KLF5: variants seen among roughly 807,000 people sequenced by gnomAD.
KLF5 encodes the protein KLF transcription factor 5.
A neutral mutation model predicts 36.9 loss-of-function variants in KLF5; 9 were observed. The ratio of observed to expected loss-of-function variants is 0.24; its 90% CI spans 0.15 to 0.43. The LOEUF (loss-of-function observed/expected upper bound fraction) is 0.43, where lower values mean the gene tolerates loss of function less well. KLF5 is among the 20% of genes least tolerant of loss of function. The probability of loss-of-function intolerance (pLI) is 1.00; values close to 1 mark genes in which losing one functional copy is unlikely to be tolerated. For missense variants in KLF5, 524 were observed against 599.5 expected (o/e 0.87, Z 1.31); for synonymous variants, 246 against 241.7 (o/e 1.02, Z -0.17).
intron 3 of KLF5, among the ~76,000 whole-genome samples, chr13:73,074,766 G>A (rs1376423026): frequency 6.6e-6 from 1 of 152,174 alleles, no homozygotes; most frequent in Non-Finnish European, 1.5e-5. Flanking sequence ...GTGAAAGAAT[G>A]GAATGGGTAG....
chr13:73,075,743 G>A lies in KLF5; in HGVS notation c.1231G>A (p.Asp411Asn), dbSNP rs144543104. ...KPYKCTWEGC[D>N]WRFARSDELT... is the part of the protein sequence containing the mutation. ...ATACAAGTGTACCTGGGAAGGCTGC[G>A]ACTGGAGGTTCGCGCGATCGGATGA... The change falls in exon 4 of 4, where the codon GAC (aspartate) becomes AAC (asparagine). Residue 411 changes from aspartate (D) to asparagine (N), a missense_variant. Coordinates refer to ENST00000377687, the MANE Select transcript of KLF5 (RefSeq NM_001730.5). 1.6e-5 allele frequency: 26 copies of A among 1,610,956 alleles called. No homozygotes were observed. The highest frequency in any genetic ancestry group is 5.3e-5 in the African/African-American group (4 of 74,786).
rs202158167 is a variant in KLF5 at position 73,063,810 on chromosome 13, C to G, written c.1136-14C>G. 6.3e-7 allele frequency: 1 copy of G among 1,575,080 alleles called. No individual in the cohort carries two copies. Among genetic ancestry groups the G allele is most frequent in the Non-Finnish European group, 8.7e-7 (1 of 1,145,418 alleles). ...AGGATCTCCAAAATGACATGCTGTT[C>G]TCCTTTATTTTAGGTTGCACAAAAG... On this transcript the variant is annotated splice_polypyrimidine_tract_variant and intron_variant, in intron 2 of 3. Transcript: ENST00000377687.
At chr13:73,069,660 A>G (rs2044708437) in intron 3 of KLF5, among the ~76,000 whole-genome samples, 1 of 152,178 alleles carries the variant, frequency 6.6e-6, no homozygotes, top group African/African-American at 2.4e-5. Context: ...TTAATGACTC[A>G]CTGGGAAGAT....
chr13:73,061,628 T>C (rs1434441051), intron 1 of KLF5, among the ~76,000 whole-genome samples: 1 of 152,172 alleles, frequency 6.6e-6, no homozygotes, highest in Non-Finnish European at 1.5e-5. Flanking sequence ...CTTTCACTTT[T>C]GGGGGTGATT....
chr13:73,072,204 G>A (rs2044726765), intron 3 of KLF5, among the ~76,000 whole-genome samples: 1 of 151,060 alleles, frequency 6.6e-6, no homozygotes, highest in African/African-American at 2.4e-5. Flanking sequence ...CATTGTGATA[G>A]GTTCAGAAGT....
At chr13:73,059,664 C>G in intron 1 of KLF5, 76 bp downstream of exon 1, 6 of 1,057,828 alleles carry the variant, frequency 5.7e-6, no homozygotes, top group Non-Finnish European at 6.9e-6. Context: ...TCGCGGGCGA[C>G]AGGGGCCGCT....
rs112499609 is a variant in KLF5, at chr13:73,062,556, C to T, written c.957C>T (p.Leu319=). The T allele has an allele frequency of 8.8e-5, 142 of 1,614,114 alleles. No individual in the cohort carries two copies. The highest frequency in any genetic ancestry group is 1.7e-4 in the Admixed American group (10 of 60,006). ...GTCCAGATAGACAAGCAGAGATGCT[C>T]CAGAATTTAACCCCACCTCCATCCT... The part of the protein sequence containing the change: ...PGSPDRQAEM[L]QNLTPPPSYA... The change falls in exon 2 of 4, where the codon CTC becomes CTT. Residue 319 remains leucine (L), a synonymous_variant. Transcript: ENST00000377687.
Position 73,075,916 on chromosome 13 carries a change from C to T in KLF5, c.*30C>T, listed in dbSNP as rs1038926897. On this transcript the variant is annotated 3_prime_UTR_variant, in exon 4 of 4. Transcript: ENST00000377687. ...TGCCCGTGTGACCCGTTCCAGGTCC[C>T]CTGGGCTCCCTCAAATGACAGACCT... The T allele has an allele frequency of 6.7e-7, 1 of 1,489,264 alleles. No individual in the cohort carries two copies. The highest frequency in any genetic ancestry group is 9.1e-7 in the Non-Finnish European group (1 of 1,099,852). 92.3% of individuals were successfully genotyped at this position (1,489,264 alleles called of 1,614,324 possible). A position where few individuals can be genotyped will look rare whatever the true frequency, so the allele number is the denominator to read the frequency against.
At chr13:73,056,848 C>T (rs1352576634), upstream of KLF5, among the ~76,000 whole-genome samples, 1 of 151,984 alleles carries the variant, frequency 6.6e-6, no homozygotes, top group Non-Finnish European at 1.5e-5. Context: ...CTATAAGAAC[C>T]CCAACGCTAG....
intron 3 of KLF5, among the ~76,000 whole-genome samples, chr13:73,066,043 A>G (rs1272137325): frequency 6.6e-6 from 1 of 152,228 alleles, no homozygotes; most frequent in African/African-American, 2.4e-5. Flanking sequence ...TCACCTGACC[A>G]TAAACATTGT....
At chr13:73,071,861 A>C (rs1190224588) in intron 3 of KLF5, among the ~76,000 whole-genome samples, 1 of 152,184 alleles carries the variant, frequency 6.6e-6, no homozygotes, top group Non-Finnish European at 1.5e-5. Flanking sequence ...ACAAGATTTT[A>C]AGTTCTTTGA....
chr13:73,072,565 A>G (rs2139117148), intron 3 of KLF5, among the ~76,000 whole-genome samples: 1 of 152,342 alleles, frequency 6.6e-6, no homozygotes, highest in South Asian at 2.1e-4. Flanking sequence ...AAGAGAGTGT[A>G]TTAGTGTTTG....
Position 73,062,170 on chromosome 13 carries a change from A to G in KLF5, c.571A>G (p.Ser191Gly), listed in dbSNP as rs755948935. Residue 191 changes from serine (S) to glycine (G), a missense_variant, in exon 2 of 4, where the codon AGT (serine) becomes GGT (glycine). Ser to Gly is a moderately conservative substitution (Grantham distance 56). This residue lies in a region of KLF5 where 454 missense variants were observed against 458.1 expected (regional missense o/e 0.99). Coordinates refer to ENST00000377687, the MANE Select transcript of KLF5 (RefSeq NM_001730.5). The stretch of plus-strand genomic sequence containing the variant: ...GACCCAGGCCCTCCCTGAGTTCACC[A>G]GTATATTCAGCTCACACCAGACCGC... ...APTQALPEFT[S>G]IFSSHQTAAP... 1.9e-6 allele frequency: 3 copies of G among 1,614,130 alleles called. No homozygotes were observed. The highest frequency in any genetic ancestry group is 2.5e-6 in the Non-Finnish European group (3 of 1,180,012).
intron 3 of KLF5, among the ~76,000 whole-genome samples, chr13:73,074,855 T>C (rs1033079795): frequency 1.3e-5 from 2 of 152,224 alleles, no homozygotes; most frequent in Non-Finnish European, 1.5e-5. Context: ...TTGTTAGCCA[T>C]TGTATCACAA....
At chr13:73,063,391 ACT>A (rs781623847) in intron 2 of KLF5, among the ~76,000 whole-genome samples, 1 of 152,176 alleles carries the variant, frequency 6.6e-6, no homozygotes. Context: ...AAATTTATTG[ACT>A]CTGATACATG....
Position 73,069,866 on chromosome 13 carries a change from T to G in KLF5, c.1196-5842T>G, listed in dbSNP as rs150372831. Among the ~76,000 whole-genome samples the G allele has an allele frequency of 5.6e-3, 856 of 152,320 alleles. 6 individuals carry two copies. Among genetic ancestry groups the G allele is most frequent in the African/African-American group, 0.02 (828 of 41,574 alleles). The stretch of plus-strand genomic sequence containing the variant: ...CCTTTTGTTCATAGACTAAATAGAA[T>G]TGCTGGAGTGGAGATAGAAATAATT... On this transcript the variant is annotated intron_variant, in intron 3 of 3. Transcript: ENST00000377687.
chr13:73,070,120 C>A (rs1158351823), intron 3 of KLF5, among the ~76,000 whole-genome samples: 1 of 152,280 alleles, frequency 6.6e-6, no homozygotes, highest in South Asian at 2.1e-4. Context: ...AACAACAACT[C>A]TTATTAAGGA....
At chr13:73,073,642 TC>T (rs910053092) in intron 3 of KLF5, among the ~76,000 whole-genome samples, 6 of 152,224 alleles carry the variant, frequency 3.9e-5, no homozygotes, top group African/African-American at 1.4e-4. Context: ...GGAATTTTTT[TC>T]CTTGTCTCAG....
chr13:73,072,791 T>C (rs1264574130), intron 3 of KLF5, among the ~76,000 whole-genome samples: 4 of 152,202 alleles, frequency 2.6e-5, no homozygotes, highest in Admixed American at 6.5e-5. Flanking sequence ...GTAAAGTATG[T>C]TAATGACTTT....
Sources: allele counts gnomAD v4.1 joint callset (sites outside exome capture counted in the v4.1 genomes callset), GRCh38; gene constraint gnomAD v4.1.1; regional missense constraint gnomAD v4.1.1; transcripts MANE v1.5; gene names NCBI Gene and HGNC (gene_info 2026-07-23, HGNC 2026-07-21).